TBC1D14: variants seen among roughly 807,000 people sequenced by gnomAD.
TBC1D14 encodes TBC1 domain family member 14.
Under a neutral mutation model 79.0 loss-of-function variants are expected in TBC1D14, and 26 were observed. The observed-to-expected ratio is 0.33, with a 90% CI of 0.24 to 0.46. The LOEUF (loss-of-function observed/expected upper bound fraction) is 0.46. TBC1D14 is among the 20% of genes least tolerant of loss of function. The probability of loss-of-function intolerance (pLI) is 1.00; values close to 1 mark genes in which losing one functional copy is unlikely to be tolerated. For synonymous variants in TBC1D14, 394 were observed against 349.9 expected (o/e 1.13, Z -1.40); for missense variants, 769 against 887.6 (o/e 0.87, Z 1.70).
intron 3 of TBC1D14, among the ~76,000 whole-genome samples, chr4:6,976,622 G>T (rs1468538180): frequency 6.6e-6 from 1 of 152,182 alleles, no homozygotes; most frequent in Non-Finnish European, 1.5e-5. Flanking sequence ...GATGAAAAAC[G>T]AAGAATTTGT....
chr4:6,940,093 G>C (rs1179834155), intron 2 of TBC1D14, among the ~76,000 whole-genome samples: 2 of 152,216 alleles, frequency 1.3e-5, no homozygotes, highest in African/African-American at 2.4e-5. Flanking sequence ...TTAGTTACTA[G>C]AATATCAAAC....
intron 2 of TBC1D14, among the ~76,000 whole-genome samples, chr4:6,943,562 C>G (rs1193602060): frequency 6.6e-6 from 1 of 152,230 alleles, no homozygotes; most frequent in Non-Finnish European, 1.5e-5. Context: ...CTTGCCTGTT[C>G]TGCTGCCTCT....
chr4:6,943,976 G>A (rs576041176), intron 2 of TBC1D14, among the ~76,000 whole-genome samples: 142 of 152,314 alleles, frequency 9.3e-4, no homozygotes, highest in Non-Finnish European at 1.7e-3. Flanking sequence ...TTGGGTTTCC[G>A]ATCGCGGGCA....
intron 3 of TBC1D14, among the ~76,000 whole-genome samples, chr4:6,987,984 T>A (rs1718054881): frequency 6.6e-6 from 1 of 152,234 alleles, no homozygotes; most frequent in South Asian, 2.1e-4. Context: ...TGCAGCTTGT[T>A]AAAGAACCCA....
At chr4:7,027,920 AC>A (rs1259912620) in intron 13 of TBC1D14, among the ~76,000 whole-genome samples, 1 of 134,190 alleles carries the variant, frequency 7.5e-6, no homozygotes, top group Admixed American at 7.6e-5. Context: ...ATACACAATC[AC>A]CCCACACAGT....
At chr4:7,012,106 C>A (rs1178272717) in intron 11 of TBC1D14, among the ~76,000 whole-genome samples, 2 of 151,818 alleles carry the variant, frequency 1.3e-5, no homozygotes, top group Non-Finnish European at 2.9e-5. Context: ...ACACACGAGG[C>A]CTGGCTAACA....
At chr4:7,005,503 C>T (rs1015596143) in intron 8 of TBC1D14, among the ~76,000 whole-genome samples, 5 of 152,206 alleles carry the variant, frequency 3.3e-5, no homozygotes, top group Middle Eastern at 3.4e-3. Context: ...CCACTGCATT[C>T]CAGCCTGGGT....
chr4:6,987,231 T>G (rs982777513), intron 3 of TBC1D14: 1 of 1,255,262 alleles, frequency 8.0e-7, no homozygotes, highest in African/African-American at 1.6e-5. Flanking sequence ...CCCGCGAGTC[T>G]GAGGAGCCGC....
chr4:6,913,717 C>T (rs1003182000), intron 1 of TBC1D14, among the ~76,000 whole-genome samples: 1 of 152,200 alleles, frequency 6.6e-6, no homozygotes, highest in Non-Finnish European at 1.5e-5. Flanking sequence ...GTCTAAATAT[C>T]TTCCTAATGT....
chr4:6,954,256 G>C (rs1371024231), intron 2 of TBC1D14: 6 of 717,222 alleles, frequency 8.4e-6, no homozygotes, highest in Non-Finnish European at 1.6e-5. Flanking sequence ...GGGAGAGTCC[G>C]TGCTTCTGCA....
chr4:6,970,041 G>C (rs941830251), intron 3 of TBC1D14, among the ~76,000 whole-genome samples: 4 of 152,170 alleles, frequency 2.6e-5, no homozygotes, highest in African/African-American at 7.2e-5. Flanking sequence ...TGCTGTCATA[G>C]GCATGGGCTC....
chr4:6,949,087 T>C (rs1713768897), intron 2 of TBC1D14, among the ~76,000 whole-genome samples: 1 of 151,562 alleles, frequency 6.6e-6, no homozygotes, highest in Non-Finnish European at 1.5e-5. Context: ...GGCAGGAAAA[T>C]CACTTGAACC....
At chr4:7,027,581 ACACC>A (rs1261878011) in intron 13 of TBC1D14, among the ~76,000 whole-genome samples, 1 of 141,826 alleles carries the variant, frequency 7.1e-6, no homozygotes, top group African/African-American at 2.7e-5. Context: ...CGCACATCAC[ACACC>A]CACCCACGCA....
At position 7,010,190 on chromosome 4, in the gene TBC1D14, G is replaced by A. The variant is rs1042133774; in HGVS notation, c.1518+242G>A. On this transcript the variant is annotated intron_variant, in intron 10 of 13. Transcript: ENST00000409757. Reference sequence around the variant, plus strand: ...CGAATGCAATTTTCATTTTTGGCATGTGACTTTTTTCCAACATTAAATCAA... The same window carrying A: ...CGAATGCAATTTTCATTTTTGGCATATGACTTTTTTCCAACATTAAATCAA... Among the ~76,000 whole-genome samples, 6 of 152,170 alleles carry A rather than the reference G, an allele frequency of 3.9e-5. No individual in the cohort carries two copies. In the East Asian group the frequency reaches 5.8e-4, roughly 15 times the overall value.
intron 1 of TBC1D14, among the ~76,000 whole-genome samples, chr4:6,920,755 G>A (rs1037370246): frequency 4.6e-5 from 7 of 152,118 alleles, no homozygotes; most frequent in African/African-American, 1.7e-4. Flanking sequence ...TCTCTTGTAT[G>A]GACCAGATTT....
intron 1 of TBC1D14, among the ~76,000 whole-genome samples, chr4:6,915,579 C>G (rs575237422): frequency 6.6e-6 from 1 of 152,146 alleles, no homozygotes; most frequent in Non-Finnish European, 1.5e-5. Flanking sequence ...CCTCGGTTTC[C>G]TCCTCTGGGT....
intron 2 of TBC1D14, among the ~76,000 whole-genome samples, chr4:6,940,441 G>A (rs190349398): frequency 3.9e-5 from 6 of 152,290 alleles, no homozygotes; most frequent in East Asian, 1.9e-4. Context: ...TCAGGGCTCC[G>A]GGGAAGGGGA....
At chr4:6,911,958 AT>A (rs1427468995) in intron 1 of TBC1D14, among the ~76,000 whole-genome samples, 5 of 151,816 alleles carry the variant, frequency 3.3e-5, no homozygotes, top group African/African-American at 9.7e-5. Context: ...CTTTAAAAAA[AT>A]TTTTTTTTAG....
intron 2 of TBC1D14, among the ~76,000 whole-genome samples, chr4:6,946,410 G>A (rs748507902): frequency 6.6e-6 from 1 of 152,118 alleles, no homozygotes. Flanking sequence ...TTGGCTCACT[G>A]TAACCTCTGC....
Sources: allele counts gnomAD v4.1 joint callset (sites outside exome capture counted in the v4.1 genomes callset), GRCh38; gene constraint gnomAD v4.1.1; transcripts MANE v1.5; gene names NCBI Gene and HGNC (gene_info 2026-07-23, HGNC 2026-07-21).